The following COQ2 variants were observed in gnomAD, a reference collection of about 807,000 sequenced individuals.
COQ2 encodes coenzyme Q2, polyprenyltransferase.
COQ2 carries 25 observed loss-of-function variants against 35.7 expected under a neutral mutation model. That is an observed-to-expected ratio of 0.70 (90% CI 0.51 to 0.98). COQ2 has a LOEUF of 0.98. Among genes scored for constraint, COQ2 ranks in the 50% least tolerant of loss-of-function variants. COQ2 has a pLI of 0.00. For synonymous variants in COQ2, 206 were observed against 186.2 expected, an observed-to-expected ratio of 1.11 and a Z score of -0.86; for missense variants, 488 against 473.5, an observed-to-expected ratio of 1.03 and a Z score of -0.28.
chr4:83,282,142 T>C (rs1176826513), intron 1 of COQ2, among the ~76,000 whole-genome samples: 1 of 152,078 alleles, frequency 6.6e-6, no homozygotes, highest in Admixed American at 6.5e-5. Flanking sequence ...GATGGACAGA[T>C]CAAAAACAGA....
intron 5 of COQ2, among the ~76,000 whole-genome samples, chr4:83,269,016 T>C (rs1344099726): frequency 1.3e-5 from 2 of 152,150 alleles, no homozygotes; most frequent in Non-Finnish European, 2.9e-5. Context: ...GGGGAGAGTT[T>C]ATAAATGTAA....
chr4:83,270,079 G>C, intron 4 of COQ2, 86 bp from the exon 5 acceptor site: 1 of 1,411,342 alleles, frequency 7.1e-7, no homozygotes. Flanking sequence ...AGTGTGTTCA[G>C]TGCTCCTGGG....
chr4:83,271,114 G>C (rs552873554), intron 4 of COQ2, among the ~76,000 whole-genome samples: 1 of 152,104 alleles, frequency 6.6e-6, no homozygotes, highest in Non-Finnish European at 1.5e-5. Flanking sequence ...AGAAAAGTCT[G>C]GGAATAGATA....
intron 2 of COQ2, among the ~76,000 whole-genome samples, chr4:83,277,849 A>T (rs1735219254): frequency 6.6e-6 from 1 of 151,688 alleles, no homozygotes; most frequent in African/African-American, 2.4e-5. Context: ...CATGCCTGAA[A>T]CCCCAGCTAC....
In COQ2 at chr4:83,264,367, C is replaced by G; in HGVS notation, c.952-4G>C. The G allele has an allele frequency of 6.3e-7, 1 of 1,591,648 alleles. No individual in the cohort carries two copies. Among genetic ancestry groups the G allele is most frequent in the Non-Finnish European group, 8.5e-7 (1 of 1,172,200 alleles). ...TGTGGATGTCTAGAGTGTAAATCTG[C>G]AAGAGAGGAATACAAAGTTGTATTA... On this transcript the variant is annotated splice_polypyrimidine_tract_variant and splice_region_variant and intron_variant, in intron 6 of 6. Transcript: ENST00000647002.
At chr4:83,281,358 A>C (rs1360226120) in intron 1 of COQ2, 3 of 152,234 alleles carry the variant, frequency 2.0e-5, no homozygotes, top group African/African-American at 7.2e-5. Flanking sequence ...ACGTGTAACC[A>C]CTTATAGTGT....
chr4:83,281,364 A>C (rs1235562754), intron 1 of COQ2: 1 of 152,234 alleles, frequency 6.6e-6, no homozygotes, highest in Non-Finnish European at 1.5e-5. Flanking sequence ...AACCACTTAT[A>C]GTGTTTTCTG....
intron 6 of COQ2, chr4:83,267,144 G>C: frequency 2.2e-6 from 1 of 453,510 alleles, no homozygotes; most frequent in East Asian, 7.0e-5. Context: ...GGGAGACCAG[G>C]GCAGGAAGAT....
At chr4:83,283,807 A>T (rs1475395938) in intron 1 of COQ2, 1 of 985,386 alleles carries the variant, frequency 1.0e-6, no homozygotes, top group African/African-American at 1.7e-5. Flanking sequence ...CTATTAAGAA[A>T]AATTGCGGAT....
Position 83,284,596 on chromosome 4 carries a change from T to A in COQ2, c.169A>T (p.Ser57Cys). The change falls in exon 1 of 7, where the codon AGT becomes TGT. Residue 57 changes from serine to cysteine, a missense_variant. Transcript: ENST00000647002. Reference sequence around the variant, plus strand: ...TCCACCACCGCCGCCGCGGACAAACTGAGCTGGCGCCCGCGCGGCTCGGGA... The same window carrying A: ...TCCACCACCGCCGCCGCGGACAAACAGAGCTGGCGCCCGCGCGGCTCGGGA... ...ACPEPRGRQLSLSAAAVVDSA... is the reference protein window; with the variant it reads ...ACPEPRGRQLCLSAAAVVDSA... 2.6e-6 allele frequency: 4 copies of A among 1,539,536 alleles called. No individual in the cohort carries two copies. The highest frequency in any genetic ancestry group is 3.5e-6 in the Non-Finnish European group (4 of 1,144,136).
At chr4:83,265,985 G>A (rs1734909949) in intron 6 of COQ2, among the ~76,000 whole-genome samples, 1 of 152,134 alleles carries the variant, frequency 6.6e-6, no homozygotes, top group South Asian at 2.1e-4. Context: ...TATAGTATTT[G>A]TGATTGTCTT....
intron 1 of COQ2, chr4:83,283,612 TC>T: frequency 1.0e-6 from 1 of 985,442 alleles, no homozygotes; most frequent in Non-Finnish European, 1.2e-6. Context: ...TCATATTTGA[TC>T]CATATTTTCC....
chr4:83,270,011 CA>C lies in COQ2; in HGVS notation c.629-19del, dbSNP rs781009196. On this transcript the variant is annotated intron_variant, in intron 4 of 6. Coordinates refer to ENST00000647002, the MANE Select transcript of COQ2 (RefSeq NM_001358921.2). The stretch of plus-strand genomic sequence containing the variant: ...TGTCAAGCCTACAATTAGCAAAACA[CA>C]AAAAGGGGGAAAGTCTGTATGTACT... 1.2e-6 allele frequency: 2 copies of C among 1,610,630 alleles called. No homozygotes were observed. Among genetic ancestry groups the C allele is most frequent in the Non-Finnish European group, 1.7e-6 (2 of 1,178,856 alleles).
rs2126171683 is a variant in COQ2, at chr4:83,267,772, G to T, written c.765C>A (p.Asp255Glu). 1 of 1,539,142 alleles carries T rather than the reference G, an allele frequency of 6.5e-7. No individual in the cohort carries two copies. Among genetic ancestry groups the T allele is most frequent in the Middle Eastern group, 1.7e-4 (1 of 5,784 alleles). The change falls in exon 6 of 7, where the codon GAC becomes GAA. Residue 255 changes from aspartate to glutamate, a missense_variant and splice_region_variant. Physicochemically the swap from Asp to Glu is conservative, Grantham distance 45. Transcript: ENST00000647002. ...LIYDTIYAHQ[D>E]KRDDVLIGLK... The stretch of plus-strand genomic sequence containing the variant: ...GACCAATCAAAACATCATCTCTTTT[G>T]TCCTAATATCAGAAAGAAAAATAAA...
chr4:83,285,004 T>C (rs114115873), upstream of COQ2: 6,148 of 922,682 alleles, frequency 6.7e-3, 46 homozygotes, highest in Middle Eastern at 0.012. Context: ...TTAGTTGTAA[T>C]TTTTTACAAC....
intron 4 of COQ2, among the ~76,000 whole-genome samples, chr4:83,271,634 G>A (rs558119616): frequency 3.8e-4 from 58 of 152,256 alleles, no homozygotes; most frequent in Non-Finnish European, 6.5e-4. Flanking sequence ...GCAACATGGC[G>A]AAACCCTGTC....
intron 6 of COQ2, 71 bp downstream of exon 6, chr4:83,267,515 G>T: frequency 7.4e-7 from 1 of 1,355,940 alleles, no homozygotes; most frequent in Non-Finnish European, 1.0e-6. Context: ...AACACAGAGG[G>T]CATACTGTTT....
intron 1 of COQ2, chr4:83,283,396 C>A: frequency 1.0e-6 from 1 of 985,444 alleles, no homozygotes; most frequent in Non-Finnish European, 1.2e-6. Flanking sequence ...ATTTTCCACA[C>A]CCACTTGGTG....
intron 2 of COQ2, among the ~76,000 whole-genome samples, chr4:83,274,870 C>T (rs182253380): frequency 1.1e-3 from 171 of 152,218 alleles, no homozygotes; most frequent in African/African-American, 3.4e-3. Context: ...TTTCTGTTTT[C>T]CAGATGGTGT....
Sources: allele counts gnomAD v4.1 joint callset (sites outside exome capture counted in the v4.1 genomes callset), GRCh38; gene constraint gnomAD v4.1.1; transcripts MANE v1.5; gene names NCBI Gene and HGNC (gene_info 2026-07-23, HGNC 2026-07-21).